Variants in DNAJC17 observed in about 807,000 individuals in gnomAD.
DNAJC17 encodes DnaJ heat shock protein family (Hsp40) member C17.
DNAJC17 carries 35 observed loss-of-function variants against 48.1 expected under a neutral mutation model. The observed-to-expected ratio is 0.73, with a 90% CI of 0.56 to 0.96. DNAJC17 has a LOEUF of 0.96. DNAJC17 is among the 50% of genes least tolerant of loss of function. The probability of loss-of-function intolerance (pLI) is 0.00; values close to 1 mark genes in which losing one functional copy is unlikely to be tolerated. For synonymous variants in DNAJC17, 117 were observed against 142.7 expected (o/e 0.82, Z 1.28); for missense variants, 355 against 377.1 (o/e 0.94, Z 0.48).
chr15:40,805,610 AG>A (rs1430237925), intron 1 of DNAJC17, among the ~76,000 whole-genome samples: 1 of 150,516 alleles, frequency 6.6e-6, no homozygotes, highest in East Asian at 2.0e-4. Flanking sequence ...TGGGAGGCTG[AG>A]GTGGGCAGAT....
At chr15:40,781,617 CTTA>C (rs765931097) in intron 1 of DNAJC17, among the ~76,000 whole-genome samples, 6 of 151,926 alleles carry the variant, frequency 3.9e-5, no homozygotes, top group Non-Finnish European at 8.8e-5. Context: ...TGACATAGAT[CTTA>C]TTATAAACTT....
intron 1 of DNAJC17, among the ~76,000 whole-genome samples, chr15:40,781,395 G>T (rs887055464): frequency 5.9e-5 from 9 of 151,882 alleles, no homozygotes; most frequent in African/African-American, 2.2e-4. Context: ...AGCTACTTGG[G>T]AGGCTGAGGC....
At chr15:40,776,129 A>G (rs1203805369) in intron 6 of DNAJC17, 67 bp downstream of exon 6, 3 of 1,494,342 alleles carry the variant, frequency 2.0e-6, no homozygotes, top group African/African-American at 2.8e-5. Flanking sequence ...CCGAACAGCC[A>G]GTGTGGCCGC....
chr15:40,781,449 G>A (rs939890961), intron 1 of DNAJC17, among the ~76,000 whole-genome samples: 1 of 152,032 alleles, frequency 6.6e-6, no homozygotes, highest in Admixed American at 6.6e-5. Flanking sequence ...GCAGTGAGCC[G>A]AGATCATGCC....
chr15:40,789,256 C>T (rs75533178), intron 1 of DNAJC17, among the ~76,000 whole-genome samples: 16 of 152,202 alleles, frequency 1.1e-4, no homozygotes, highest in East Asian at 5.8e-4. Context: ...GGCCCTTGTA[C>T]GCCCTTTGGG....
chr15:40,770,682 C>T lies in DNAJC17; in HGVS notation c.793-2620G>A, dbSNP rs748434048. On this transcript the variant is annotated intron_variant, in intron 10 of 10. Transcript: ENST00000220496. The surrounding 1 kb of genome is among the most constrained non-coding windows in gnomAD (Gnocchi z 5.0). ...GCTACAAGGGAGGCCAGATGGCCGGCGCCTGCCACTGTGGGGGGACGAGCA... is the reference window on the plus strand; with the variant it reads ...GCTACAAGGGAGGCCAGATGGCCGGTGCCTGCCACTGTGGGGGGACGAGCA... 81 of 1,547,852 alleles carry T rather than the reference C, an allele frequency of 5.2e-5. No homozygotes were observed. The highest frequency in any genetic ancestry group is 5.1e-4 in the South Asian group (43 of 84,056).
chr15:40,770,604 A>G lies in DNAJC17; in HGVS notation c.793-2542T>C, dbSNP rs1387265871. 1 of 1,550,750 alleles carries G rather than the reference A, an allele frequency of 6.4e-7. No homozygotes were observed. Among genetic ancestry groups the G allele is most frequent in the Non-Finnish European group, 8.7e-7 (1 of 1,146,982 alleles). Reference sequence around the variant, plus strand: ...ACAGAGTAGTGTGCTTAGCCAGGCCAGCACAGCAGGTGGGGACCACGAGGA... The same window carrying G: ...ACAGAGTAGTGTGCTTAGCCAGGCCGGCACAGCAGGTGGGGACCACGAGGA... On this transcript the variant is annotated intron_variant, in intron 10 of 10. Coordinates refer to ENST00000220496, the MANE Select transcript of DNAJC17 (RefSeq NM_018163.3). This position sits in a 1 kb window ranked among gnomAD's most constrained non-coding sequence, Gnocchi z 5.0.
chr15:40,773,931 A>C (rs1889239516), intron 9 of DNAJC17, 94 bp from the exon 10 acceptor site: 1 of 1,113,250 alleles, frequency 9.0e-7, no homozygotes, highest in African/African-American at 1.6e-5. Flanking sequence ...CCAGCGTTCT[A>C]GCCCTCTAAG....
intron 1 of DNAJC17, among the ~76,000 whole-genome samples, chr15:40,784,530 A>G (rs922612788): frequency 7.9e-5 from 12 of 152,198 alleles, no homozygotes; most frequent in Non-Finnish European, 1.6e-4. Flanking sequence ...CTCATTTTAC[A>G]AATGAGGAAA....
At position 40,780,612 on chromosome 15, in the gene DNAJC17, G is replaced by A. The variant is rs1284065119; in HGVS notation, c.79-615C>T. ...ACAGATCACCTGAGGTCAGGAGTTT[G>A]AGACCAGCCTCACTAACATAGTGAA... On this transcript the variant is annotated intron_variant, in intron 1 of 10. Coordinates refer to ENST00000220496, the MANE Select transcript of DNAJC17 (RefSeq NM_018163.3). The A allele has an allele frequency of 8.9e-6, 3 of 338,668 alleles. No individual in the cohort carries two copies. The Admixed American group carries it at 1.3e-4, about 14-fold the overall frequency. 21.0% of individuals were successfully genotyped at this position (338,668 alleles called of 1,614,324 possible).
At chr15:40,805,818 G>A (rs974664489) in intron 1 of DNAJC17, among the ~76,000 whole-genome samples, 13 of 152,040 alleles carry the variant, frequency 8.6e-5, no homozygotes, top group Non-Finnish European at 1.6e-4. Context: ...GCCACAGAGC[G>A]AGACTCCGTC....
chr15:40,768,831 A>G (rs919317297), intron 10 of DNAJC17, among the ~76,000 whole-genome samples: 2 of 152,228 alleles, frequency 1.3e-5, no homozygotes, highest in African/African-American at 4.8e-5. Flanking sequence ...TGTGATGATC[A>G]TGTGGTCCCA....
At chr15:40,790,808 T>A (rs1421097023) in intron 1 of DNAJC17, among the ~76,000 whole-genome samples, 1 of 152,188 alleles carries the variant, frequency 6.6e-6, no homozygotes. Context: ...AATGAATCGC[T>A]TACAGCTTAC....
Position 40,770,077 on chromosome 15 carries a change from A to G in DNAJC17, c.793-2015T>C, listed in dbSNP as rs1274226463. On this transcript the variant is annotated intron_variant, in intron 10 of 10. Coordinates refer to ENST00000220496, the MANE Select transcript of DNAJC17 (RefSeq NM_018163.3). This position sits in a 1 kb window ranked among gnomAD's most constrained non-coding sequence, Gnocchi z 5.0. ...TAGGAGCCAGGCAAACACCAGGGCGAGTGAGCTCGGGCCATCTGCTGCCTG... is the reference window on the plus strand; with the variant it reads ...TAGGAGCCAGGCAAACACCAGGGCGGGTGAGCTCGGGCCATCTGCTGCCTG... 1 of 190,008 alleles carries G rather than the reference A, an allele frequency of 5.3e-6. No individual in the cohort carries two copies. Among genetic ancestry groups the G allele is most frequent in the Non-Finnish European group, 1.1e-5 (1 of 91,444 alleles). 11.8% of individuals were successfully genotyped at this position (190,008 alleles called of 1,614,324 possible).
chr15:40,792,590 G>A, intron 1 of DNAJC17: 1 of 933,682 alleles, frequency 1.1e-6, no homozygotes, highest in South Asian at 4.9e-5. Context: ...CGAGGCAGGA[G>A]GACTGCTTGA....
chr15:40,798,889 C>T (rs963307130), intron 1 of DNAJC17, among the ~76,000 whole-genome samples: 1 of 152,142 alleles, frequency 6.6e-6, no homozygotes, highest in Non-Finnish European at 1.5e-5. Context: ...ATTCTGGCAG[C>T]CGTGGTGCCC....
intron 10 of DNAJC17, chr15:40,771,243 A>G: frequency 3.5e-6 from 2 of 578,790 alleles, no homozygotes; most frequent in East Asian, 2.9e-5. Context: ...GACAGAGGCA[A>G]TCTGGAAATG....
At chr15:40,806,209 A>G (rs928226026) in intron 1 of DNAJC17, among the ~76,000 whole-genome samples, 6 of 131,536 alleles carry the variant, frequency 4.6e-5, no homozygotes, top group African/African-American at 1.7e-4. Context: ...AGTGGGCACT[A>G]TTTTTTTTTC....
rs1888941815 is a variant in DNAJC17, at chr15:40,766,076, T to G, written c.*1864A>C. 2.2e-6 allele frequency: 1 copy of G among 451,524 alleles called. No homozygotes were observed. The highest frequency in any genetic ancestry group is 2.0e-5 in the African/African-American group (1 of 49,644). 28.0% of individuals were successfully genotyped at this position (451,524 alleles called of 1,614,324 possible). Reference sequence around the variant, plus strand: ...GTTCTCCGGAGGAGTTGGTCCCATCTGTAGCCTCTCCAACATCCCCCCTCT... The same window carrying G: ...GTTCTCCGGAGGAGTTGGTCCCATCGGTAGCCTCTCCAACATCCCCCCTCT... On this transcript the variant is annotated 3_prime_UTR_variant, in exon 11 of 11. Coordinates refer to ENST00000220496, the MANE Select transcript of DNAJC17 (RefSeq NM_018163.3).
Sources: gnomAD v4.1 joint callset for allele counts (sites outside exome capture counted in the v4.1 genomes callset) on GRCh38, gnomAD v4.1.1 for gene constraint, Gnocchi (gnomAD v3.1) non-coding constraint, MANE v1.5 for transcripts, NCBI Gene and HGNC (gene_info 2026-07-23, HGNC 2026-07-21) for gene names.